PIP5K1B: variants seen among roughly 807,000 people sequenced by gnomAD.
The protein encoded by PIP5K1B is phosphatidylinositol 4-phosphate 5-kinase type-1 beta.
In PIP5K1B, 42 loss-of-function variants were observed where a neutral mutation model predicts 67.0. The ratio of observed to expected loss-of-function variants is 0.63; its 90% confidence interval spans 0.49 to 0.81. The LOEUF (loss-of-function observed/expected upper bound fraction) is 0.81. PIP5K1B is among the 30% of genes least tolerant of loss of function. PIP5K1B has a pLI of 0.00. For synonymous variants in PIP5K1B, 214 were observed against 231.4 expected (o/e 0.92, Z 0.68); for missense variants, 459 against 646.3 (o/e 0.71, Z 3.14).
chr9:68,732,747 G>A (rs780635822), intron 1 of PIP5K1B, among the ~76,000 whole-genome samples: 3 of 152,152 alleles, frequency 2.0e-5, no homozygotes, highest in Non-Finnish European at 2.9e-5. Flanking sequence ...AGTAGCAGTT[G>A]ACATGACAGA....
chr9:68,803,646 A>G (rs1482369183), intron 2 of PIP5K1B, among the ~76,000 whole-genome samples: 3 of 152,248 alleles, frequency 2.0e-5, no homozygotes, highest in Admixed American at 2.0e-4. Flanking sequence ...GCCTCTAACA[A>G]GTCTCTCTGG....
intron 4 of PIP5K1B, among the ~76,000 whole-genome samples, chr9:68,842,686 A>T (rs10869400): frequency 1.3e-5 from 2 of 152,082 alleles, no homozygotes; most frequent in East Asian, 3.9e-4. Context: ...TTTGGTTTTT[A>T]TGTCTGGAGG....
intron 12 of PIP5K1B, among the ~76,000 whole-genome samples, chr9:68,927,932 G>A (rs1310654581): frequency 6.6e-6 from 1 of 152,122 alleles, no homozygotes; most frequent in African/African-American, 2.4e-5. Flanking sequence ...TTTTGTATAT[G>A]ATATGAGGTA....
At chr9:68,807,248 T>G (rs1832920117) in intron 2 of PIP5K1B, among the ~76,000 whole-genome samples, 1 of 152,144 alleles carries the variant, frequency 6.6e-6, no homozygotes, top group South Asian at 2.1e-4. Flanking sequence ...TCTTAAGTGG[T>G]CATTTCATGA....
intron 9 of PIP5K1B, among the ~76,000 whole-genome samples, chr9:68,919,267 A>G (rs1826249727): frequency 6.6e-6 from 1 of 152,184 alleles, no homozygotes; most frequent in Non-Finnish European, 1.5e-5. Context: ...GGAAGTATTA[A>G]TACATCATTC....
At chr9:68,713,021 A>C (rs1827463608) in intron 1 of PIP5K1B, among the ~76,000 whole-genome samples, 1 of 152,238 alleles carries the variant, frequency 6.6e-6, no homozygotes, top group Admixed American at 6.5e-5. Context: ...CAACAGTCCC[A>C]ATACCATGGA....
At chr9:68,966,584 A>T (rs754483635) in intron 14 of PIP5K1B, 3 of 152,246 alleles carry the variant, frequency 2.0e-5, no homozygotes, top group East Asian at 3.8e-4. Context: ...TGTCAAGGTC[A>T]TCAAAAACAA....
chr9:68,770,336 G>C (rs1290426408), intron 2 of PIP5K1B, among the ~76,000 whole-genome samples: 1 of 152,158 alleles, frequency 6.6e-6, no homozygotes, highest in Non-Finnish European at 1.5e-5. Flanking sequence ...TAAAATCTCA[G>C]CTCCTAAGGA....
At chr9:68,917,793 A>G (rs752562090) in intron 9 of PIP5K1B, 34 bp downstream of exon 9, 2 of 1,498,996 alleles carry the variant, frequency 1.3e-6, no homozygotes, top group South Asian at 2.3e-5. Flanking sequence ...CACCCTCTTG[A>G]CTGTGGCAGC....
intron 14 of PIP5K1B, among the ~76,000 whole-genome samples, chr9:68,947,210 A>T (rs190762662): frequency 1.2e-4 from 18 of 152,316 alleles, no homozygotes; most frequent in African/African-American, 4.3e-4. Flanking sequence ...TGAAGGGGGA[A>T]ATTCCAGAAA....
chr9:68,988,730 C>T (rs1056273701), intron 14 of PIP5K1B, among the ~76,000 whole-genome samples: 2 of 151,864 alleles, frequency 1.3e-5, no homozygotes, highest in Non-Finnish European at 2.9e-5. Context: ...GGATTATAGG[C>T]GTGAGCCACC....
chr9:68,761,652 C>T (rs143593394), intron 2 of PIP5K1B, among the ~76,000 whole-genome samples: 1 of 152,226 alleles, frequency 6.6e-6, no homozygotes, highest in African/African-American at 2.4e-5. Flanking sequence ...CATTCCTTGG[C>T]TTATGGCCTC....
chr9:68,986,462 A>G (rs1830098745), intron 14 of PIP5K1B, among the ~76,000 whole-genome samples: 1 of 152,062 alleles, frequency 6.6e-6, no homozygotes, highest in Non-Finnish European at 1.5e-5. Context: ...AAGTTATAAG[A>G]GTTCTTTATA....
chr9:68,745,834 C>T (rs189753545), intron 2 of PIP5K1B, among the ~76,000 whole-genome samples: 6 of 152,248 alleles, frequency 3.9e-5, no homozygotes, highest in Non-Finnish European at 8.8e-5. Flanking sequence ...CCCTTTATTT[C>T]CCTCACAGTA....
intron 4 of PIP5K1B, among the ~76,000 whole-genome samples, chr9:68,855,934 A>G (rs1004294000): frequency 6.6e-6 from 1 of 152,170 alleles, no homozygotes; most frequent in African/African-American, 2.4e-5. Context: ...ACAAATTACT[A>G]CAAGCTCAGT....
At chr9:68,903,003 G>A (rs561539311) in intron 8 of PIP5K1B, among the ~76,000 whole-genome samples, 1 of 152,314 alleles carries the variant, frequency 6.6e-6, no homozygotes, top group African/African-American at 2.4e-5. Flanking sequence ...CTAAGAAAAG[G>A]CCTGCGATAC....
intron 2 of PIP5K1B, among the ~76,000 whole-genome samples, chr9:68,804,176 G>A (rs1832745605): frequency 6.6e-6 from 1 of 152,146 alleles, no homozygotes; most frequent in Non-Finnish European, 1.5e-5. Context: ...GAGGTTTCAG[G>A]AGCCAGGAGG....
At chr9:68,834,816 C>T (rs1218856659) in intron 4 of PIP5K1B, among the ~76,000 whole-genome samples, 1 of 152,114 alleles carries the variant, frequency 6.6e-6, no homozygotes, top group Non-Finnish European at 1.5e-5. Flanking sequence ...GGTCACTGTA[C>T]AGGCATTTGA....
intron 8 of PIP5K1B, among the ~76,000 whole-genome samples, chr9:68,901,982 A>C (rs1825384674): frequency 6.6e-6 from 1 of 152,226 alleles, no homozygotes; most frequent in Admixed American, 6.5e-5. Flanking sequence ...TAACACAGAG[A>C]GATATCATAC....
Sources: gnomAD v4.1 joint callset for allele counts (sites outside exome capture counted in the v4.1 genomes callset) on GRCh38, gnomAD v4.1.1 for gene constraint, MANE v1.5 for transcripts, NCBI Gene and HGNC (gene_info 2026-07-23, HGNC 2026-07-21) for gene names.